Variants in RTN3 observed in about 807,000 individuals in gnomAD.
RTN3 encodes the protein reticulon-3.
RTN3 carries 49 observed loss-of-function variants against 77.8 expected under a neutral mutation model. The ratio of observed to expected loss-of-function variants is 0.63; its 90% CI spans 0.50 to 0.80. The LOEUF is 0.80. RTN3 is among the 30% of genes least tolerant of loss of function. The probability of loss-of-function intolerance (pLI) is 0.00; values close to 1 mark genes in which losing one functional copy is unlikely to be tolerated. For synonymous variants in RTN3, 464 were observed against 446.9 expected, an observed-to-expected ratio of 1.04 and a Z score of -0.48; for missense variants, 1,236 against 1,211.9, an observed-to-expected ratio of 1.02 and a Z score of -0.29.
chr11:63,697,852 G>T (rs1942044983), intron 1 of RTN3, among the ~76,000 whole-genome samples: 1 of 152,034 alleles, frequency 6.6e-6, no homozygotes, highest in Admixed American at 6.6e-5. Flanking sequence ...TCTTTTTTAT[G>T]TATTTTCAGA....
chr11:63,719,851 T>C lies in RTN3; in HGVS notation c.1349T>C (p.Leu450Ser). 1.2e-6 allele frequency: 2 copies of C among 1,614,140 alleles called. No homozygotes were observed. The highest frequency in any genetic ancestry group is 1.7e-6 in the Non-Finnish European group (2 of 1,180,018). Reference sequence around the variant, plus strand: ...AAACAGGATGACACACTTGCAGAATTACCTGGATCTCCACCTGAGAAATGT... The same window carrying C: ...AAACAGGATGACACACTTGCAGAATCACCTGGATCTCCACCTGAGAAATGT... ...MQKQDDTLAE[L>S]PGSPPEKCDS... Residue 450 changes from leucine to serine, a missense_variant, in exon 3 of 9, where the codon TTA (leucine) becomes TCA (serine). Coordinates refer to ENST00000377819, the MANE Select transcript of RTN3 (RefSeq NM_001265589.2).
chr11:63,687,061 T>C (rs1322869736), intron 1 of RTN3, among the ~76,000 whole-genome samples: 1 of 152,230 alleles, frequency 6.6e-6, no homozygotes, highest in Admixed American at 6.5e-5. Context: ...TGTGAATATG[T>C]AATTTGTGTT....
intron 1 of RTN3, among the ~76,000 whole-genome samples, chr11:63,692,837 G>A (rs926203068): frequency 1.3e-5 from 2 of 151,930 alleles, no homozygotes; most frequent in South Asian, 4.1e-4. Flanking sequence ...ATGTCATGTG[G>A]CAGTTTTAAG....
At chr11:63,685,086 C>G (rs1941296334) in intron 1 of RTN3, among the ~76,000 whole-genome samples, 1 of 152,084 alleles carries the variant, frequency 6.6e-6, no homozygotes, top group African/African-American at 2.4e-5. Flanking sequence ...AAATGCTTAT[C>G]CATTGCAAAT....
chr11:63,744,715 G>C (rs2013696388), intron 3 of RTN3, among the ~76,000 whole-genome samples: 1 of 152,214 alleles, frequency 6.6e-6, no homozygotes, highest in Non-Finnish European at 1.5e-5. Flanking sequence ...GTTTCTGCTG[G>C]TCGCTGTGGT....
At chr11:63,726,612 C>T (rs1310703161) in intron 3 of RTN3, among the ~76,000 whole-genome samples, 1 of 152,230 alleles carries the variant, frequency 6.6e-6, no homozygotes, top group East Asian at 1.9e-4. Flanking sequence ...CCTGTAATCC[C>T]AGCACTTTGG....
intron 2 of RTN3, among the ~76,000 whole-genome samples, chr11:63,712,230 T>C (rs1300121445): frequency 6.6e-6 from 1 of 152,222 alleles, no homozygotes; most frequent in Non-Finnish European, 1.5e-5. Flanking sequence ...TTTGCCAATA[T>C]GCCTTTTCTC....
intron 5 of RTN3, 35 bp from the exon 6 acceptor site, chr11:63,753,034 T>G: frequency 6.2e-7 from 1 of 1,600,460 alleles, no homozygotes; most frequent in Non-Finnish European, 8.6e-7. Flanking sequence ...TGCCTTACGG[T>G]TATTCCTGCT....
At chr11:63,722,017 T>C (rs2011852783) in intron 3 of RTN3, among the ~76,000 whole-genome samples, 1 of 152,224 alleles carries the variant, frequency 6.6e-6, no homozygotes, top group Admixed American at 6.5e-5. Context: ...TCTTGTCTTT[T>C]ATCTATTTCA....
In RTN3 at chr11:63,750,155, G is replaced by A. The variant is rs764224300; in HGVS notation, c.2695G>A (p.Val899Ile). 5.6e-6 allele frequency: 9 copies of A among 1,612,466 alleles called. No homozygotes were observed. Among genetic ancestry groups the A allele is most frequent in the South Asian group, 3.3e-5 (3 of 90,686 alleles). Residue 899 changes from valine (V) to isoleucine (I), a missense_variant, in exon 4 of 9, where the codon GTC (valine) becomes ATC (isoleucine). This residue lies in a region of RTN3 where 39 missense variants were observed against 66.6 expected (regional missense o/e 0.59). Coordinates refer to ENST00000377819, the MANE Select transcript of RTN3 (RefSeq NM_001265589.2). ...VTISFRIYKSVIQAVQKSEEG... is the reference protein window; with the variant it reads ...VTISFRIYKSIIQAVQKSEEG... ...CATCAGCTTCAGGATCTACAAGTCC[G>A]TCATCCAAGCTGTACAGAAGTCAGA...
chr11:63,756,663 G>A (rs752430513), intron 8 of RTN3, among the ~76,000 whole-genome samples: 7 of 152,114 alleles, frequency 4.6e-5, no homozygotes, highest in African/African-American at 1.4e-4. Context: ...GTGCAGTCTC[G>A]ACCTCCTGGG....
chr11:63,699,705 A>T (rs1378160480), intron 1 of RTN3, among the ~76,000 whole-genome samples: 1 of 152,132 alleles, frequency 6.6e-6, no homozygotes, highest in Non-Finnish European at 1.5e-5. Context: ...TGTTCACCTC[A>T]TGAACTTAAA....
chr11:63,754,494 A>G (rs1273134363), intron 7 of RTN3, among the ~76,000 whole-genome samples: 1 of 151,970 alleles, frequency 6.6e-6, no homozygotes, highest in Non-Finnish European at 1.5e-5. Flanking sequence ...AGGTCAGGAG[A>G]TCGAGACCAT....
intron 3 of RTN3, among the ~76,000 whole-genome samples, chr11:63,734,979 TAAAC>T (rs1016658151): frequency 2.2e-4 from 34 of 152,246 alleles, no homozygotes; most frequent in Admixed American, 6.5e-4. Context: ...ATTAGGTTGA[TAAAC>T]AAAACTCAAT....
At chr11:63,689,068 T>C (rs557291733) in intron 1 of RTN3, among the ~76,000 whole-genome samples, 2 of 152,330 alleles carry the variant, frequency 1.3e-5, no homozygotes, top group South Asian at 4.1e-4. Flanking sequence ...GCTTATAGTT[T>C]GTGTTAACTT....
At chr11:63,706,851 T>A (rs1333682671) in intron 2 of RTN3, among the ~76,000 whole-genome samples, 1 of 152,048 alleles carries the variant, frequency 6.6e-6, no homozygotes, top group Non-Finnish European at 1.5e-5. Context: ...TTTCAGATCT[T>A]TAAGAATACG....
At chr11:63,698,700 G>A in intron 1 of RTN3, 1 of 176,242 alleles carries the variant, frequency 5.7e-6, no homozygotes, top group South Asian at 1.6e-4. Flanking sequence ...TGTACATGAG[G>A]CAAGGCTGGG....
At chr11:63,718,592 AT>A in intron 2 of RTN3, 109 bp from the exon 3 acceptor site, 1 of 652,692 alleles carries the variant, frequency 1.5e-6, no homozygotes, top group South Asian at 2.5e-5. Context: ...CTGTGTGTGT[AT>A]ATATATATTT....
At chr11:63,715,801 G>A (rs2011363509) in intron 2 of RTN3, among the ~76,000 whole-genome samples, 1 of 152,202 alleles carries the variant, frequency 6.6e-6, no homozygotes, top group African/African-American at 2.4e-5. Context: ...TGAATGTTTT[G>A]TGGTAGAAAC....
Sources: allele counts gnomAD v4.1 joint callset (sites outside exome capture counted in the v4.1 genomes callset), GRCh38; gene constraint gnomAD v4.1.1; regional missense constraint gnomAD v4.1.1; transcripts MANE v1.5; gene names NCBI Gene and HGNC (gene_info 2026-07-23, HGNC 2026-07-21).